GALNT10: variants seen among roughly 807,000 people sequenced by gnomAD.
GALNT10 encodes polypeptide N-acetylgalactosaminyltransferase 10, also known as GalNAc transferase 10.
Under a neutral mutation model 75.0 loss-of-function variants are expected in GALNT10, and 41 were observed. The observed-to-expected ratio is 0.55, with a 90% CI of 0.43 to 0.71. GALNT10 has a LOEUF of 0.71. GALNT10 is among the 30% of genes least tolerant of loss of function. GALNT10 has a pLI of 0.00. For synonymous variants in GALNT10, 302 were observed against 313.0 expected, an observed-to-expected ratio of 0.96 and a Z score of 0.37; for missense variants, 727 against 818.5, an observed-to-expected ratio of 0.89 and a Z score of 1.36.
chr5:154,418,159 T>A lies in GALNT10; in HGVS notation c.*1187T>A, dbSNP rs1476396347. 1 of 152,390 alleles carries A rather than the reference T, an allele frequency of 6.6e-6. No homozygotes were observed. Among genetic ancestry groups the A allele is most frequent in the East Asian group, 1.9e-4 (1 of 5,194 alleles). The allele number at this position is 152,390 out of a possible 1,614,324, so 9.4% of individuals were successfully genotyped here. On this transcript the variant is annotated 3_prime_UTR_variant, in exon 12 of 12. Transcript: ENST00000297107. Reference sequence around the variant, plus strand: ...CAGCCCCCAGCCTAGAGACAATCTGTGAAATCCAAAGTTGGTGGTGTTGGG... The same window carrying A: ...CAGCCCCCAGCCTAGAGACAATCTGAGAAATCCAAAGTTGGTGGTGTTGGG...
At chr5:154,378,705 A>G (rs1437206060) in intron 5 of GALNT10, among the ~76,000 whole-genome samples, 1 of 152,218 alleles carries the variant, frequency 6.6e-6, no homozygotes, top group Non-Finnish European at 1.5e-5. Flanking sequence ...CGAAGATTAT[A>G]CTGCTAAGAG....
At chr5:154,321,073 C>G (rs977917306) in intron 3 of GALNT10, among the ~76,000 whole-genome samples, 1 of 152,144 alleles carries the variant, frequency 6.6e-6, no homozygotes, top group African/African-American at 2.4e-5. Flanking sequence ...AAGAATTATA[C>G]AGCGAACACC....
chr5:154,248,239 T>G (rs2113672590), intron 1 of GALNT10, among the ~76,000 whole-genome samples: 1 of 152,364 alleles, frequency 6.6e-6, no homozygotes, highest in African/African-American at 2.4e-5. Flanking sequence ...ATTTTTGCAT[T>G]GATGTTCATC....
In GALNT10 at chr5:154,416,857, G is replaced by A; in HGVS notation, c.1697G>A (p.Cys566Tyr). The A allele has an allele frequency of 1.2e-6, 2 of 1,613,152 alleles. No individual in the cohort carries two copies. The highest frequency in any genetic ancestry group is 1.7e-6 in the Non-Finnish European group (2 of 1,179,034). ...YHPVSGSCMD[C>Y]SESDHRIFMN... ...CCTGTCAGTGGCAGCTGCATGGACT[G>A]CAGTGAAAGTGACCATAGGATCTTC... is the stretch of plus-strand genomic sequence containing the variant. The change falls in exon 12 of 12, where the codon TGC (cysteine) becomes TAC (tyrosine). Residue 566 changes from cysteine (C) to tyrosine (Y), a missense_variant. Physicochemically the swap from Cys to Tyr is radical, Grantham distance 194 (BLOSUM62 -2). Transcript: ENST00000297107. The surrounding 1 kb of genome is among the most constrained non-coding windows in gnomAD (Gnocchi z 4.5).
chr5:154,282,962 C>A (rs1581954523), intron 1 of GALNT10, among the ~76,000 whole-genome samples: 1 of 152,062 alleles, frequency 6.6e-6, no homozygotes, highest in African/African-American at 2.4e-5. Context: ...CTGTAAGGTC[C>A]CATATCAGGG....
chr5:154,358,180 A>G (rs1292456033), intron 4 of GALNT10, among the ~76,000 whole-genome samples: 1 of 152,200 alleles, frequency 6.6e-6, no homozygotes, highest in Non-Finnish European at 1.5e-5. Context: ...TGTGTGTAGC[A>G]CAATTGGAGG....
chr5:154,404,825 T>C (rs1021786589), intron 8 of GALNT10, among the ~76,000 whole-genome samples: 3 of 152,262 alleles, frequency 2.0e-5, no homozygotes, highest in African/African-American at 7.2e-5. Context: ...CCTCACCCCC[T>C]GTCTACTCTT....
chr5:154,363,423 T>C (rs1254002277), intron 4 of GALNT10, among the ~76,000 whole-genome samples: 1 of 149,522 alleles, frequency 6.7e-6, no homozygotes, highest in Non-Finnish European at 1.5e-5. Flanking sequence ...AATTTTGGTG[T>C]GTCTTTCCCT....
intron 4 of GALNT10, among the ~76,000 whole-genome samples, chr5:154,371,287 C>T (rs895447920): frequency 2.0e-5 from 3 of 152,112 alleles, no homozygotes; most frequent in Non-Finnish European, 4.4e-5. Context: ...TCCAGTATGA[C>T]CCCGTCTTAA....
chr5:154,400,177 C>T (rs1265624240), intron 7 of GALNT10, among the ~76,000 whole-genome samples: 1 of 152,154 alleles, frequency 6.6e-6, no homozygotes, highest in Non-Finnish European at 1.5e-5. Flanking sequence ...TCATCTTAAA[C>T]TAGCCGTAGC....
intron 4 of GALNT10, among the ~76,000 whole-genome samples, chr5:154,355,516 G>A (rs972369667): frequency 6.6e-6 from 1 of 152,256 alleles, no homozygotes; most frequent in Non-Finnish European, 1.5e-5. Flanking sequence ...AAGGGCCAGG[G>A]CCAGGTCCAG....
intron 1 of GALNT10, among the ~76,000 whole-genome samples, chr5:154,208,333 G>A (rs147911931): frequency 0.01 from 1,564 of 152,238 alleles, 32 homozygotes; most frequent in African/African-American, 0.036. Flanking sequence ...ATTCACGTTA[G>A]CCTTCACGCT....
chr5:154,413,964 A>G (rs1205489302), intron 10 of GALNT10, among the ~76,000 whole-genome samples: 1 of 152,250 alleles, frequency 6.6e-6, no homozygotes, highest in Non-Finnish European at 1.5e-5. Flanking sequence ...TCAAAAGTCA[A>G]TAATTTTTTT....
At position 154,375,130 on chromosome 5, in the gene GALNT10, A is replaced by G. The variant is rs1755634478; in HGVS notation, c.569-1147A>G. On this transcript the variant is annotated intron_variant, in intron 4 of 11. Transcript: ENST00000297107. ...GAAACACAGCTAGAAGAAGGAAACC[A>G]TCATGTTTCCACAGCAAACCCAGGA... Among the ~76,000 whole-genome samples, 3 of 152,230 alleles carry G rather than the reference A, an allele frequency of 2.0e-5. No individual in the cohort carries two copies. In the South Asian group the frequency reaches 6.2e-4, roughly 32 times the overall value.
At chr5:154,331,408 T>C (rs1010357857) in intron 4 of GALNT10, among the ~76,000 whole-genome samples, 1 of 152,186 alleles carries the variant, frequency 6.6e-6, no homozygotes, top group Non-Finnish European at 1.5e-5. Context: ...TATCTATATC[T>C]TTGATCCTGG....
intron 6 of GALNT10, among the ~76,000 whole-genome samples, chr5:154,381,247 G>A (rs1445933300): frequency 6.6e-6 from 1 of 152,170 alleles, no homozygotes; most frequent in Non-Finnish European, 1.5e-5. Context: ...CAGCATCCTA[G>A]AATGTGAAGG....
chr5:154,323,715 T>C (rs1485954354), intron 3 of GALNT10, among the ~76,000 whole-genome samples: 1 of 152,236 alleles, frequency 6.6e-6, no homozygotes, highest in African/African-American at 2.4e-5. Flanking sequence ...CTTCGCCTCA[T>C]TGAGCCTCCC....
At chr5:154,214,457 T>C (rs968113083) in intron 1 of GALNT10, among the ~76,000 whole-genome samples, 2 of 152,138 alleles carry the variant, frequency 1.3e-5, no homozygotes, top group Admixed American at 6.6e-5. Flanking sequence ...TGATAGAGCC[T>C]AATTTGGAAA....
intron 1 of GALNT10, among the ~76,000 whole-genome samples, chr5:154,230,789 T>G (rs1319034213): frequency 6.6e-6 from 1 of 152,214 alleles, no homozygotes; most frequent in Non-Finnish European, 1.5e-5. Context: ...TAGCAGCTTC[T>G]GGAGTAAACC....
Sources: gnomAD v4.1 joint callset for allele counts (sites outside exome capture counted in the v4.1 genomes callset) on GRCh38, gnomAD v4.1.1 for gene constraint, Gnocchi (gnomAD v3.1) non-coding constraint, MANE v1.5 for transcripts, NCBI Gene and HGNC (gene_info 2026-07-23, HGNC 2026-07-21) for gene names.